PTPRU: variants seen among roughly 807,000 people sequenced by gnomAD.
PTPRU encodes protein tyrosine phosphatase receptor type U, also known as receptor-type tyrosine-protein phosphatase U.
In PTPRU, 69 loss-of-function variants were observed where a neutral mutation model predicts 166.3. That is an observed-to-expected ratio of 0.41 (90% CI 0.34 to 0.51). PTPRU has a LOEUF of 0.51. Among genes scored for constraint, PTPRU ranks in the 20% least tolerant of loss-of-function variants. The probability of loss-of-function intolerance (pLI) is 0.09; values close to 1 mark genes in which losing one functional copy is unlikely to be tolerated. For missense variants in PTPRU, 1,657 were observed against 2,013.7 expected (o/e 0.82, Z 3.39); for synonymous variants, 793 against 814.0 (o/e 0.97, Z 0.44).
intron 1 of PTPRU, among the ~76,000 whole-genome samples, chr1:29,240,573 T>A (rs1485390318): frequency 1.3e-5 from 2 of 152,060 alleles, no homozygotes; most frequent in Non-Finnish European, 2.9e-5. Context: ...AAAGGCCATG[T>A]TGAGAGTGTC....
Position 29,258,758 on chromosome 1 carries a change from C to G in PTPRU, c.459C>G (p.Phe153Leu). 6.3e-7 allele frequency: 1 copy of G among 1,585,996 alleles called. No individual in the cohort carries two copies. ...AGGCTGAGCTGGCTGTCAGCACTTT[C>G]TGGCCCAATGAATATCAGGTGGGCT... Reference protein sequence around the residue: ...WHQAELAVSTFWPNEYQVLFE... With the variant: ...WHQAELAVSTLWPNEYQVLFE... The change falls in exon 3 of 30, where the codon TTC becomes TTG. Residue 153 changes from phenylalanine to leucine, a missense_variant. Around this residue, in one of 3 missense-constraint regions of PTPRU, gnomAD observed 453 missense variants for 496.9 expected, o/e 0.91. Coordinates refer to ENST00000373779, the MANE Select transcript of PTPRU (RefSeq NM_133178.4).
intron 15 of PTPRU, among the ~76,000 whole-genome samples, chr1:29,296,751 G>T (rs925274088): frequency 1.3e-5 from 2 of 151,208 alleles, no homozygotes; most frequent in Non-Finnish European, 2.9e-5. Context: ...TGAACCCCTG[G>T]GCCCAAGCGA....
At chr1:29,255,536 T>C in intron 2 of PTPRU, 130 bp downstream of exon 2, 1 of 1,327,838 alleles carries the variant, frequency 7.5e-7, no homozygotes, top group Non-Finnish European at 1.1e-6. Flanking sequence ...TTTAATGACA[T>C]ACGTGACACT....
At chr1:29,266,082 A>T (rs939281578) in intron 7 of PTPRU, among the ~76,000 whole-genome samples, 8 of 128,248 alleles carry the variant, frequency 6.2e-5, no homozygotes, top group African/African-American at 2.4e-4. Context: ...GTGCAATGGC[A>T]TGATCTCAGC....
intron 15 of PTPRU, among the ~76,000 whole-genome samples, chr1:29,292,968 A>G (rs1304306918): frequency 6.6e-6 from 1 of 151,424 alleles, no homozygotes; most frequent in Non-Finnish European, 1.5e-5. Context: ...GGCACCTGCC[A>G]CCATACCCGG....
intron 1 of PTPRU, among the ~76,000 whole-genome samples, chr1:29,240,258 C>T (rs939685563): frequency 1.3e-5 from 2 of 152,186 alleles, no homozygotes; most frequent in African/African-American, 4.8e-5. Flanking sequence ...TGGATTTTTA[C>T]ATAGCATTGT....
At chr1:29,316,714 A>G (rs971952751) in intron 24 of PTPRU, among the ~76,000 whole-genome samples, 1 of 152,008 alleles carries the variant, frequency 6.6e-6, no homozygotes, top group African/African-American at 2.4e-5. Context: ...CATCATCTCT[A>G]TTGTCTGGTG....
At chr1:29,239,491 C>G (rs1683941433) in intron 1 of PTPRU, among the ~76,000 whole-genome samples, 1 of 152,108 alleles carries the variant, frequency 6.6e-6, no homozygotes, top group Non-Finnish European at 1.5e-5. Flanking sequence ...GTGACAGTGG[C>G]CGAGGTGGGG....
intron 14 of PTPRU, among the ~76,000 whole-genome samples, chr1:29,289,969 C>T (rs760565278): frequency 6.6e-6 from 1 of 152,202 alleles, no homozygotes; most frequent in Non-Finnish European, 1.5e-5. Flanking sequence ...CCTGCTGAGT[C>T]ACCCCCAGCA....
At position 29,259,947 on chromosome 1, in the gene PTPRU, G is replaced by A; in HGVS notation, c.753G>A (p.Leu251=). The A allele has an allele frequency of 6.5e-7, 1 of 1,539,168 alleles. No individual in the cohort carries two copies. The highest frequency in any genetic ancestry group is 8.7e-7 in the Non-Finnish European group (1 of 1,149,022). Residue 251 remains leucine (L), a synonymous_variant, in exon 6 of 30, where the codon CTG becomes CTA. Coordinates refer to ENST00000373779, the MANE Select transcript of PTPRU (RefSeq NM_133178.4). The part of the protein sequence containing the change: ...SHRRFLATFP[L]AAVSRAEQDL... ...GGCGCTTCCTGGCCACTTTCCCGCT[G>A]GCTGCCGTGAGCCGCGCCGAGCAGG...
chr1:29,310,794 C>G lies in PTPRU; in HGVS notation c.2857+14C>G, dbSNP rs1418386417. 6.2e-7 allele frequency: 1 copy of G among 1,612,946 alleles called. No homozygotes were observed. Among genetic ancestry groups the G allele is most frequent in the African/African-American group, 1.3e-5 (1 of 74,870 alleles). ...TAGCCACTCAAGGTACCTGGCACTT[C>G]TGCCCACATGCGCCTTCCCATGTGC... On this transcript the variant is annotated intron_variant, in intron 19 of 29. Transcript: ENST00000373779.
Position 29,271,647 on chromosome 1 carries a change from T to C in PTPRU, c.1145-3801T>C, listed in dbSNP as rs1685560181. 6.6e-6 allele frequency among the ~76,000 whole-genome samples: 1 copy of C among 152,072 alleles called. No individual in the cohort carries two copies. Among genetic ancestry groups the C allele is most frequent in the African/African-American group, 2.4e-5 (1 of 41,408 alleles). Reference sequence around the variant, plus strand: ...GGAATTTCTGGCTCCTCTTGAAAAATGGGAGGATCTGGCAACTCTGAACCT... The same window carrying C: ...GGAATTTCTGGCTCCTCTTGAAAAACGGGAGGATCTGGCAACTCTGAACCT... On this transcript the variant is annotated intron_variant, in intron 7 of 29. Coordinates refer to ENST00000373779, the MANE Select transcript of PTPRU (RefSeq NM_133178.4). This position sits in a 1 kb window ranked among gnomAD's most constrained non-coding sequence, Gnocchi z 4.4.
chr1:29,321,976 C>T (rs1039800961), intron 26 of PTPRU, among the ~76,000 whole-genome samples: 1 of 152,232 alleles, frequency 6.6e-6, no homozygotes. Flanking sequence ...TGGACCCCTT[C>T]CCACCCCAGC....
At chr1:29,244,163 A>C (rs1000986311) in intron 1 of PTPRU, among the ~76,000 whole-genome samples, 6 of 152,028 alleles carry the variant, frequency 3.9e-5, no homozygotes, top group Admixed American at 2.6e-4. Flanking sequence ...GCAAGATTAA[A>C]GCTAGGGGTG....
chr1:29,275,294 T>G (rs752496533), intron 7 of PTPRU, among the ~76,000 whole-genome samples, 154 bp from the exon 8 acceptor site: 7 of 152,188 alleles, frequency 4.6e-5, no homozygotes, highest in Non-Finnish European at 8.8e-5. Context: ...CACATACTTT[T>G]ACTCCCTGTT....
chr1:29,325,063 A>C (rs1574740665), intron 28 of PTPRU, 128 bp from the exon 29 acceptor site: 2 of 1,274,082 alleles, frequency 1.6e-6, no homozygotes, highest in Admixed American at 2.1e-5. Context: ...TCTCTGCCCC[A>C]CCCTTCTAGA....
In PTPRU at chr1:29,307,254, G is replaced by A; in HGVS notation, c.2820+1826G>A. The stretch of plus-strand genomic sequence containing the variant: ...TCTGGCTGTCTGTCTCTCTGTCTCT[G>A]TCCTTCCTTTCTACTTATGTGCCCA... On this transcript the variant is annotated intron_variant, in intron 18 of 29. Transcript: ENST00000373779. 3.5e-6 allele frequency: 5 copies of A among 1,413,914 alleles called. No individual in the cohort carries two copies. In the South Asian group the frequency reaches 3.6e-5, roughly 10 times the overall value. 87.6% of individuals were successfully genotyped at this position (1,413,914 alleles called of 1,614,324 possible). A position where few individuals can be genotyped will look rare whatever the true frequency, so the allele number is the denominator to read the frequency against.
intron 24 of PTPRU, 62 bp downstream of exon 24, chr1:29,316,213 C>T: frequency 6.5e-7 from 1 of 1,540,300 alleles, no homozygotes; most frequent in Non-Finnish European, 8.9e-7. Flanking sequence ...GTTGGGGCAT[C>T]CTTAATACTG....
At chr1:29,316,529 T>A (rs1687908990) in intron 24 of PTPRU, among the ~76,000 whole-genome samples, 1 of 152,182 alleles carries the variant, frequency 6.6e-6, no homozygotes, top group African/African-American at 2.4e-5. Context: ...TTGTGAGTGA[T>A]GAAAATCCAG....
Sources: allele counts gnomAD v4.1 joint callset (sites outside exome capture counted in the v4.1 genomes callset), GRCh38; gene constraint gnomAD v4.1.1; regional missense constraint gnomAD v4.1.1; non-coding constraint Gnocchi (gnomAD v3.1); transcripts MANE v1.5; gene names NCBI Gene and HGNC (gene_info 2026-07-23, HGNC 2026-07-21).